Variants in RBFOX1 observed in about 807,000 individuals in gnomAD.
RBFOX1 encodes RNA binding fox-1 homolog 1, also known as RNA binding protein fox-1 homolog 1.
In RBFOX1, 8 loss-of-function variants were observed where a neutral mutation model predicts 57.7. That is an observed-to-expected ratio of 0.14 (90% CI 0.08 to 0.25). The LOEUF (loss-of-function observed/expected upper bound fraction) is 0.25. Among genes scored for constraint, RBFOX1 ranks in the 10% least tolerant of loss-of-function variants. RBFOX1 has a pLI of 1.00. For missense variants in RBFOX1, 611 were observed against 548.5 expected, an observed-to-expected ratio of 1.11 and a Z score of -1.14; for synonymous variants, 326 against 222.4, an observed-to-expected ratio of 1.47 and a Z score of -4.15.
chr16:6,521,671 C>T (rs924961884), intron 2 of RBFOX1, among the ~76,000 whole-genome samples: 1 of 151,950 alleles, frequency 6.6e-6, no homozygotes. Flanking sequence ...GGAATTCTGG[C>T]TAATTATAGC....
intron 4 of RBFOX1, among the ~76,000 whole-genome samples, chr16:7,220,109 T>G (rs1321522658): frequency 1.3e-5 from 2 of 152,158 alleles, no homozygotes; most frequent in Non-Finnish European, 2.9e-5. Context: ...CAAACAAAAT[T>G]CACCATATTC....
At chr16:5,477,619 G>T (rs538384759) in intron 2 of RBFOX1, among the ~76,000 whole-genome samples, 1 of 152,262 alleles carries the variant, frequency 6.6e-6, no homozygotes, top group East Asian at 1.9e-4. Flanking sequence ...GACGATATTT[G>T]ATCCATAGTC....
At chr16:5,986,209 A>T (rs1209297367) in intron 4 of RBFOX1, among the ~76,000 whole-genome samples, 2 of 152,022 alleles carry the variant, frequency 1.3e-5, no homozygotes, top group African/African-American at 4.8e-5. Flanking sequence ...GTTTACAGGC[A>T]TGCACCACCC....
rs186978104 is a variant in RBFOX1, at chr16:5,361,389, C to T, written c.220-105827C>T. On this transcript the variant is annotated intron_variant, in intron 1 of 2. Transcript: ENST00000585867. ...GTTATAAGAAGTGCTAAAACAGCAC[C>T]GGAGATATCACTAGAAGGATAAAGC... Among the ~76,000 whole-genome samples, 33 of 152,188 alleles carry T rather than the reference C, an allele frequency of 2.2e-4. No homozygotes were observed. The East Asian group carries it at 3.7e-3, about 17-fold the overall frequency.
chr16:7,317,870 T>A (rs1348491759), intron 4 of RBFOX1, among the ~76,000 whole-genome samples: 1 of 152,040 alleles, frequency 6.6e-6, no homozygotes, highest in Non-Finnish European at 1.5e-5. Flanking sequence ...TTGTTAGGAG[T>A]ATGGCACGAG....
At chr16:7,150,124 G>C (rs370143153) in intron 4 of RBFOX1, among the ~76,000 whole-genome samples, 3 of 152,084 alleles carry the variant, frequency 2.0e-5, no homozygotes, top group Admixed American at 6.6e-5. Context: ...TCCGGTCATA[G>C]GGCTTTCATG....
intron 3 of RBFOX1, among the ~76,000 whole-genome samples, chr16:6,900,343 A>C (rs1252779745): frequency 2.0e-5 from 3 of 152,246 alleles, no homozygotes; most frequent in African/African-American, 7.2e-5. Flanking sequence ...GAGCTACCAC[A>C]AAATCCTTTA....
At chr16:6,793,333 G>A (rs1240500209) in intron 3 of RBFOX1, among the ~76,000 whole-genome samples, 4 of 151,962 alleles carry the variant, frequency 2.6e-5, no homozygotes, top group African/African-American at 9.7e-5. Context: ...GAGAAGTTGA[G>A]TTTTTTTTCC....
chr16:6,200,665 A>C (rs2097209148), intron 1 of RBFOX1, among the ~76,000 whole-genome samples: 1 of 152,196 alleles, frequency 6.6e-6, no homozygotes, highest in Admixed American at 6.5e-5. Flanking sequence ...ACTACAGGAG[A>C]GATAACCCTT....
At position 5,897,520 on chromosome 16, in the gene RBFOX1, G is replaced by T. The variant is rs184028389; in HGVS notation, c.351+30185G>T. Among the ~76,000 whole-genome samples, 473 of 152,276 alleles carry T rather than the reference G, an allele frequency of 3.1e-3. 6 individuals carry two copies. Among genetic ancestry groups the T allele is most frequent in the Non-Finnish European group, 2.9e-3 (197 of 68,032 alleles). ...TCGAAAATTGGCTTTGAATCTGCAA[G>T]ATCACATGGGAAAATATATAGTGAT... On this transcript the variant is annotated intron_variant, in intron 4 of 19. Coordinates refer to the RBFOX1 transcript ENST00000641259.
chr16:5,392,398 G>T (rs150560672), intron 1 of RBFOX1, among the ~76,000 whole-genome samples: 1 of 151,968 alleles, frequency 6.6e-6, no homozygotes, highest in African/African-American at 2.4e-5. Context: ...AAATAAAGTC[G>T]CATTCATTGG....
At chr16:5,705,895 T>C (rs540861678) in intron 3 of RBFOX1, among the ~76,000 whole-genome samples, 1 of 152,280 alleles carries the variant, frequency 6.6e-6, no homozygotes, top group South Asian at 2.1e-4. Context: ...ACACATGAAC[T>C]GATCGTGTTG....
intron 4 of RBFOX1, among the ~76,000 whole-genome samples, chr16:7,325,089 G>T (rs1434499866): frequency 6.6e-6 from 1 of 152,158 alleles, no homozygotes; most frequent in Non-Finnish European, 1.5e-5. Flanking sequence ...GCGGTTGAAG[G>T]GAGGAAGAGT....
chr16:6,301,433 T>G (rs2078810710), intron 1 of RBFOX1, among the ~76,000 whole-genome samples: 1 of 152,188 alleles, frequency 6.6e-6, no homozygotes, highest in Non-Finnish European at 1.5e-5. Flanking sequence ...ATAAGTACCT[T>G]TATGAAAATG....
intron 5 of RBFOX1, among the ~76,000 whole-genome samples, chr16:7,560,927 C>G (rs1196069720): frequency 1.3e-5 from 2 of 152,182 alleles, no homozygotes; most frequent in Non-Finnish European, 2.9e-5. Context: ...TCCCGTCTGG[C>G]CGAATTATGT....
chr16:6,826,761 G>C (rs1190345644), intron 3 of RBFOX1, among the ~76,000 whole-genome samples: 1 of 151,968 alleles, frequency 6.6e-6, no homozygotes, highest in Non-Finnish European at 1.5e-5. Context: ...TATTGACTCT[G>C]AATTTATTAT....
At chr16:7,100,838 A>T (rs1412069017) in intron 4 of RBFOX1, among the ~76,000 whole-genome samples, 2 of 152,186 alleles carry the variant, frequency 1.3e-5, no homozygotes, top group African/African-American at 4.8e-5. Flanking sequence ...CAAATTGAGA[A>T]ATGTTTTGCA....
At chr16:6,060,972 G>C (rs376234756) in intron 1 of RBFOX1, among the ~76,000 whole-genome samples, 1 of 152,162 alleles carries the variant, frequency 6.6e-6, no homozygotes, top group Non-Finnish European at 1.5e-5. Flanking sequence ...GCCTACTGCA[G>C]TGATTACAAT....
intron 3 of RBFOX1, among the ~76,000 whole-genome samples, chr16:6,924,432 G>A (rs1277858493): frequency 1.3e-5 from 2 of 151,892 alleles, no homozygotes; most frequent in African/African-American, 4.8e-5. Context: ...CAGAGTGAGT[G>A]CTCACTCATC....
Sources: gnomAD v4.1 joint callset for allele counts (sites outside exome capture counted in the v4.1 genomes callset) on GRCh38, gnomAD v4.1.1 for gene constraint, MANE v1.5 for transcripts, NCBI Gene and HGNC (gene_info 2026-07-23, HGNC 2026-07-21) for gene names.